The following CEP192 variants were observed in gnomAD, a reference collection of about 807,000 sequenced individuals.
CEP192 encodes the protein centrosomal protein of 192 kDa.
In CEP192, 151 loss-of-function variants were observed where a neutral mutation model predicts 271.8. That is an observed-to-expected ratio of 0.56 (90% CI 0.49 to 0.64). The LOEUF is 0.64. Among genes scored for constraint, CEP192 ranks in the 30% least tolerant of loss-of-function variants. CEP192 has a pLI of 0.00. For missense variants in CEP192, 2,910 were observed against 3,020.5 expected (o/e 0.96, Z 0.86); for synonymous variants, 995 against 1,076.5 (o/e 0.92, Z 1.48).
At chr18:13,008,704 T>A in intron 4 of CEP192, 73 bp downstream of exon 4, 1 of 566,222 alleles carries the variant, frequency 1.8e-6, no homozygotes, top group Non-Finnish European at 2.5e-6. Flanking sequence ...ATCTTTGGAT[T>A]TTTTTTTTTT....
At position 13,034,922 on chromosome 18, in the gene CEP192, G is replaced by A. The variant is rs74365022; in HGVS notation, c.1535-2315G>A. On this transcript the variant is annotated intron_variant, in intron 11 of 44. Transcript: ENST00000506447. ...CTATTCAAGGTGCTGCATTGCTGCC[G>A]CTTATGACCTGAGAGTTCGACAGTG... Among the ~76,000 whole-genome samples, 877 of 151,856 alleles carry A rather than the reference G, an allele frequency of 5.8e-3. 14 individuals are homozygous for A. The highest frequency in any genetic ancestry group is 0.02 in the African/African-American group (840 of 41,400).
At chr18:13,123,254 T>TC (rs2040757154) in intron 44 of CEP192, among the ~76,000 whole-genome samples, 1 of 152,222 alleles carries the variant, frequency 6.6e-6, no homozygotes, top group Non-Finnish European at 1.5e-5. Context: ...AGGTTAGATT[T>TC]TTTTTAAAAA....
At chr18:13,048,791 A>G in intron 15 of CEP192, 68 bp from the exon 16 acceptor site, 1 of 1,052,638 alleles carries the variant, frequency 9.5e-7, no homozygotes, top group Non-Finnish European at 1.4e-6. Flanking sequence ...CCCAATGATA[A>G]TGGGGGACTA....
At chr18:13,102,827 TGTGACTCTC>T (rs2039776728) in intron 38 of CEP192, among the ~76,000 whole-genome samples, 1 of 152,206 alleles carries the variant, frequency 6.6e-6, no homozygotes, top group Non-Finnish European at 1.5e-5. Context: ...GCCTGTAGCC[TGTGACTCTC>T]ATGACTTCCC....
At chr18:13,073,616 G>A (rs1300815864) in intron 30 of CEP192, among the ~76,000 whole-genome samples, 1 of 152,144 alleles carries the variant, frequency 6.6e-6, no homozygotes, top group Non-Finnish European at 1.5e-5. Flanking sequence ...GAAATTTATT[G>A]CTCACAGTTC....
At chr18:13,100,604 AT>A in intron 38 of CEP192, 92 bp downstream of exon 38, 1 of 998,852 alleles carries the variant, frequency 1.0e-6, no homozygotes, top group Non-Finnish European at 1.5e-6. Flanking sequence ...ATAAATATAA[AT>A]TTCCTCCTAC....
At chr18:13,066,907 C>A (rs1442589903) in intron 21 of CEP192, among the ~76,000 whole-genome samples, 1 of 151,328 alleles carries the variant, frequency 6.6e-6, no homozygotes, top group Non-Finnish European at 1.5e-5. Context: ...TACTGGTCTG[C>A]CTTTGATCTC....
intron 11 of CEP192, among the ~76,000 whole-genome samples, chr18:13,034,047 A>C (rs2035778219): frequency 6.6e-6 from 1 of 152,188 alleles, no homozygotes; most frequent in Non-Finnish European, 1.5e-5. Flanking sequence ...TACCCTTGTA[A>C]GTCTTTGGTT....
At chr18:13,041,100 C>A (rs1172892589) in intron 14 of CEP192, 144 bp downstream of exon 14, 13 of 626,140 alleles carry the variant, frequency 2.1e-5, no homozygotes, top group Non-Finnish European at 3.3e-5. Flanking sequence ...AGATTTGATT[C>A]ATATGTAACC....
At chr18:13,113,744 A>G in intron 41 of CEP192, 39 bp downstream of exon 41, 1 of 1,548,004 alleles carries the variant, frequency 6.5e-7, no homozygotes, top group Non-Finnish European at 8.7e-7. Flanking sequence ...TATTGTATGT[A>G]TTTTAAAAAC....
intron 11 of CEP192, among the ~76,000 whole-genome samples, chr18:13,036,711 A>G (rs976494824): frequency 6.6e-6 from 1 of 152,140 alleles, no homozygotes; most frequent in Non-Finnish European, 1.5e-5. Flanking sequence ...GAGTGTGCTT[A>G]GGCTGGCGTT....
At chr18:13,044,596 G>C (rs2036380008) in intron 15 of CEP192, among the ~76,000 whole-genome samples, 2 of 152,120 alleles carry the variant, frequency 1.3e-5, no homozygotes, top group Admixed American at 1.3e-4. Context: ...TTGATGTGAT[G>C]AATTTTGTCA....
intron 44 of CEP192, among the ~76,000 whole-genome samples, chr18:13,120,112 C>A (rs1211968740): frequency 6.6e-6 from 1 of 152,080 alleles, no homozygotes; most frequent in Non-Finnish European, 1.5e-5. Context: ...AATTTGTGGG[C>A]CAATTCAGAT....
chr18:13,071,322 A>G (rs934463510), intron 28 of CEP192, 110 bp downstream of exon 28: 7 of 904,282 alleles, frequency 7.7e-6, no homozygotes, highest in African/African-American at 6.7e-5. Context: ...TTCAGGCTCA[A>G]TTGTGCAGAA....
chr18:13,001,630 AC>A, intron 3 of CEP192, 48 bp downstream of exon 3: 1 of 1,476,944 alleles, frequency 6.8e-7, no homozygotes, highest in South Asian at 1.3e-5. Context: ...AGTGGGTCTT[AC>A]GCAGTCTTGT....
At chr18:13,068,716 ATTCTT>A in intron 24 of CEP192, 131 bp from the exon 25 acceptor site, 1 of 812,566 alleles carries the variant, frequency 1.2e-6, no homozygotes, top group Non-Finnish European at 1.9e-6. Context: ...ACTCATTTCT[ATTCTT>A]TTAACTCTTT....
chr18:13,021,573 A>G (rs2034997655), intron 9 of CEP192, among the ~76,000 whole-genome samples: 1 of 152,154 alleles, frequency 6.6e-6, no homozygotes. Flanking sequence ...TTCTTTTTCA[A>G]GATTTTTTTG....
At chr18:13,011,001 C>A (rs28880030) in intron 4 of CEP192, among the ~76,000 whole-genome samples, 1 of 151,788 alleles carries the variant, frequency 6.6e-6, no homozygotes. Context: ...CCGAGGTGAG[C>A]GGATCATTTG....
intron 15 of CEP192, among the ~76,000 whole-genome samples, chr18:13,047,080 T>C (rs1024667406): frequency 2.0e-5 from 3 of 152,232 alleles, no homozygotes; most frequent in African/African-American, 7.2e-5. Context: ...GCTTTTGTTT[T>C]ACCCTACAGT....
Sources: gnomAD v4.1 joint callset for allele counts (sites outside exome capture counted in the v4.1 genomes callset) on GRCh38, gnomAD v4.1.1 for gene constraint, MANE v1.5 for transcripts, NCBI Gene and HGNC (gene_info 2026-07-23, HGNC 2026-07-21) for gene names.